Variants in TRDN observed in about 807,000 individuals in gnomAD.
TRDN encodes triadin in skeletal muscle.
A neutral mutation model predicts 149.7 loss-of-function variants in TRDN; 161 were observed. The observed-to-expected ratio is 1.08, with a 90% CI of 0.95 to 1.23. The LOEUF is 1.23. Among genes scored for constraint, TRDN ranks in the 50% most tolerant of loss-of-function variants. The pLI is 0.00. For missense variants in TRDN, 896 were observed against 823.5 expected, an observed-to-expected ratio of 1.09 and a Z score of -1.08; for synonymous variants, 294 against 250.5, an observed-to-expected ratio of 1.17 and a Z score of -1.64.
At chr6:123,361,442 A>G (rs1171403251) in intron 20 of TRDN, among the ~76,000 whole-genome samples, 3 of 152,110 alleles carry the variant, frequency 2.0e-5, no homozygotes, top group Non-Finnish European at 4.4e-5. Flanking sequence ...TGATGGGTTC[A>G]GCAAACCACC....
chr6:123,467,318 TA>T (rs66481683), intron 9 of TRDN, among the ~76,000 whole-genome samples: 20,995 of 134,664 alleles, frequency 0.16, 1,688 homozygotes, highest in South Asian at 0.3. Context: ...TGTGGTAAAT[TA>T]AAAAAAAAAA....
chr6:123,529,135 T>C, intron 5 of TRDN: 8 of 1,522,220 alleles, frequency 5.3e-6, no homozygotes, highest in Non-Finnish European at 7.1e-6. Context: ...AGCAGCACTG[T>C]TATTAAATTA....
intron 23 of TRDN, among the ~76,000 whole-genome samples, chr6:123,319,585 G>A (rs961644831): frequency 1.3e-5 from 2 of 152,112 alleles, no homozygotes; most frequent in African/African-American, 4.8e-5. Context: ...TTGGGACTGG[G>A]AGGCCAGAGA....
Position 123,622,354 on chromosome 6 carries a change from C to T in TRDN, c.22+14400G>A, listed in dbSNP as rs918972926. ...ACACACACACACACACACAGGCACA[C>T]GCACACACATATAACATACAAAATA... On this transcript the variant is annotated intron_variant, in intron 1 of 40. Coordinates refer to ENST00000334268, the MANE Select transcript of TRDN (RefSeq NM_006073.4). Among the ~76,000 whole-genome samples the T allele has an allele frequency of 2.6e-4, 39 of 151,724 alleles. 1 individual carries two copies. The highest frequency in any genetic ancestry group is 7.2e-4 in the African/African-American group (30 of 41,392).
intron 12 of TRDN, among the ~76,000 whole-genome samples, chr6:123,398,090 CG>C (rs1209058856): frequency 2.0e-5 from 3 of 152,190 alleles, no homozygotes; most frequent in Non-Finnish European, 4.4e-5. Context: ...CTGCAACCTC[CG>C]CCTCCGGAGT....
At chr6:123,468,361 G>T (rs948517419) in intron 9 of TRDN, among the ~76,000 whole-genome samples, 1 of 152,136 alleles carries the variant, frequency 6.6e-6, no homozygotes, top group Admixed American at 6.6e-5. Flanking sequence ...AACACAGTAA[G>T]TTGGCTTCAT....
intron 12 of TRDN, among the ~76,000 whole-genome samples, chr6:123,395,523 G>T (rs1772685753): frequency 6.6e-6 from 1 of 151,966 alleles, no homozygotes; most frequent in Admixed American, 6.6e-5. Flanking sequence ...ACATAGATTG[G>T]GCATGTTTTA....
At chr6:123,594,594 C>T (rs1004345903) in intron 1 of TRDN, among the ~76,000 whole-genome samples, 1 of 151,024 alleles carries the variant, frequency 6.6e-6, no homozygotes, top group African/African-American at 2.4e-5. Flanking sequence ...TTAAAAATGT[C>T]CAAAGCATGA....
chr6:123,235,030 C>A (rs1775734477), intron 38 of TRDN, among the ~76,000 whole-genome samples: 1 of 151,904 alleles, frequency 6.6e-6, no homozygotes, highest in African/African-American at 2.4e-5. Context: ...ATTTCTCCCC[C>A]CAAAATGGAT....
chr6:123,288,581 C>T (rs915785793), intron 24 of TRDN, among the ~76,000 whole-genome samples: 6 of 152,026 alleles, frequency 3.9e-5, no homozygotes, highest in Admixed American at 3.3e-4. Flanking sequence ...TGTGAACAGA[C>T]ACTTCTCAAA....
chr6:123,535,738 T>C (rs1406440039), intron 4 of TRDN, among the ~76,000 whole-genome samples: 1 of 152,166 alleles, frequency 6.6e-6, no homozygotes, highest in Non-Finnish European at 1.5e-5. Context: ...AAATAAAAAC[T>C]AGTCACATTT....
In TRDN at chr6:123,267,763, AATCAAAATTCACTGGCAATCTG is replaced by A; in HGVS notation, c.1739-34_1739-13del. 6.4e-7 allele frequency: 1 copy of A among 1,564,244 alleles called. No homozygotes were observed. Among genetic ancestry groups the A allele is most frequent in the Non-Finnish European group, 8.7e-7 (1 of 1,154,814 alleles). Reference sequence around the variant, plus strand: ...ATGTTCAGCTTTTTCTAGAGAAAGAAATCAAAATTCACTGGCAATCTGTGGATTCTTTGGCAAATATTTCTTA... The same window carrying A: ...ATGTTCAGCTTTTTCTAGAGAAAGAATGGATTCTTTGGCAAATATTTCTTA... On this transcript the variant is annotated splice_polypyrimidine_tract_variant and intron_variant, in intron 31 of 40. Transcript: ENST00000334268.
At chr6:123,336,646 T>C (rs1779882177) in intron 22 of TRDN, among the ~76,000 whole-genome samples, 1 of 151,926 alleles carries the variant, frequency 6.6e-6, no homozygotes, top group African/African-American at 2.4e-5. Context: ...GTCTATGCTT[T>C]TTTTGCATCC....
intron 21 of TRDN, among the ~76,000 whole-genome samples, chr6:123,343,575 G>A (rs1780142522): frequency 6.6e-6 from 1 of 151,782 alleles, no homozygotes; most frequent in Non-Finnish European, 1.5e-5. Flanking sequence ...TGCTACTCAT[G>A]GTATAAAATT....
intron 7 of TRDN, chr6:123,510,062 A>G (rs1484455364): frequency 1.3e-5 from 2 of 152,168 alleles, no homozygotes; most frequent in Non-Finnish European, 2.9e-5. Flanking sequence ...TGTATATGTA[A>G]TGAAAACAAA....
At chr6:123,313,796 T>C (rs9388218) in intron 24 of TRDN, among the ~76,000 whole-genome samples, 104,046 of 151,876 alleles carry the variant, frequency 0.69, 37,309 homozygotes, top group Middle Eastern at 0.81. Context: ...GCTAGCCATA[T>C]GCAGAAAATT....
intron 8 of TRDN, chr6:123,502,941 T>C: frequency 1.0e-6 from 1 of 985,264 alleles, no homozygotes; most frequent in Non-Finnish European, 1.2e-6. Context: ...GGGCCAGAGA[T>C]GTGGTACGAT....
chr6:123,233,182 T>C (rs916054201), intron 38 of TRDN, among the ~76,000 whole-genome samples: 3 of 152,052 alleles, frequency 2.0e-5, no homozygotes, highest in African/African-American at 7.2e-5. Context: ...TTTCTAAGAG[T>C]TCACATTTTC....
At chr6:123,592,361 G>A (rs1374567668) in intron 1 of TRDN, among the ~76,000 whole-genome samples, 3 of 152,070 alleles carry the variant, frequency 2.0e-5, no homozygotes, top group African/African-American at 7.3e-5. Flanking sequence ...GCATCTAAAG[G>A]AGGTTAAAAA....
Sources: gnomAD v4.1 joint callset for allele counts (sites outside exome capture counted in the v4.1 genomes callset) on GRCh38, gnomAD v4.1.1 for gene constraint, MANE v1.5 for transcripts, NCBI Gene and HGNC (gene_info 2026-07-23, HGNC 2026-07-21) for gene names.